Variants in RPL22 observed in about 807,000 individuals in gnomAD.
RPL22 encodes ribosomal protein L22.
Under a neutral mutation model 16.2 loss-of-function variants are expected in RPL22, and 4 were observed. The ratio of observed to expected loss-of-function variants is 0.25; its 90% CI spans 0.12 to 0.57. RPL22 has a LOEUF of 0.57. Among genes scored for constraint, RPL22 ranks in the 20% least tolerant of loss-of-function variants. The pLI is 0.92. For synonymous variants in RPL22, 43 were observed against 54.8 expected, an observed-to-expected ratio of 0.78 and a Z score of 0.95; for missense variants, 83 against 156.1, an observed-to-expected ratio of 0.53 and a Z score of 2.49.
chr1:6,192,784 T>G, intron 3 of RPL22, 146 bp downstream of exon 3: 1 of 928,198 alleles, frequency 1.1e-6, no homozygotes, highest in Non-Finnish European at 1.6e-6. Context: ...ATAATAGCAT[T>G]CATCCACTGC....
intron 3 of RPL22, among the ~76,000 whole-genome samples, chr1:6,191,041 C>T (rs1011580927): frequency 6.6e-6 from 1 of 151,858 alleles, no homozygotes; most frequent in Non-Finnish European, 1.5e-5. Flanking sequence ...CTGGCCAACA[C>T]GGCGAAACCC....
At chr1:6,192,880 G>A (rs750723507) in intron 3 of RPL22, 50 bp downstream of exon 3, 104 of 1,604,412 alleles carry the variant, frequency 6.5e-5, no homozygotes, top group South Asian at 2.2e-4. Context: ...GGGAAAAGGC[G>A]GGCTGGGCAC....
Position 6,185,292 on chromosome 1 carries a change from G to A in RPL22, c.*1380C>T, listed in dbSNP as rs1667569606. 1 of 399,028 alleles carries A rather than the reference G, an allele frequency of 2.5e-6. No individual in the cohort carries two copies. Among genetic ancestry groups the A allele is most frequent in the Non-Finnish European group, 4.4e-6 (1 of 226,052 alleles). 24.7% of individuals were successfully genotyped at this position (399,028 alleles called of 1,614,324 possible). On this transcript the variant is annotated 3_prime_UTR_variant, in exon 4 of 4. Coordinates refer to ENST00000234875, the MANE Select transcript of RPL22 (RefSeq NM_000983.4). ...GCCACAAACTTAGTTAATAATCATG[G>A]TTAAGGGACATTGCCAAAGAGCAAC...
intron 2 of RPL22, among the ~76,000 whole-genome samples, chr1:6,196,703 C>G (rs1004456354): frequency 6.6e-6 from 1 of 151,558 alleles, no homozygotes; most frequent in Non-Finnish European, 1.5e-5. Flanking sequence ...TTTAATATTT[C>G]TAGATTGCAA....
intron 2 of RPL22, among the ~76,000 whole-genome samples, chr1:6,193,505 T>C (rs960054964): frequency 2.0e-5 from 3 of 152,056 alleles, no homozygotes; most frequent in Non-Finnish European, 2.9e-5. Context: ...GTATTTTTAG[T>C]AGAGACGGGG....
chr1:6,185,080 C>T lies in RPL22; in HGVS notation c.*1592G>A. 1 of 371,800 alleles carries T rather than the reference C, an allele frequency of 2.7e-6. No homozygotes were observed. The highest frequency in any genetic ancestry group is 4.8e-6 in the Non-Finnish European group (1 of 210,070). The allele number at this position is 371,800 out of a possible 1,614,324, so 23.0% of individuals were successfully genotyped here. A position where few individuals can be genotyped will look rare whatever the true frequency, so the allele number is the denominator to read the frequency against. On this transcript the variant is annotated 3_prime_UTR_variant, in exon 4 of 4. Transcript: ENST00000234875. ...AGAAAATATGATCAAAACTCGATTACAAGAGTTCAAAAAGACATAGAAAAC... is the reference window on the plus strand; with the variant it reads ...AGAAAATATGATCAAAACTCGATTATAAGAGTTCAAAAAGACATAGAAAAC...
chr1:6,190,211 C>T (rs1667632343), intron 3 of RPL22, among the ~76,000 whole-genome samples: 1 of 152,200 alleles, frequency 6.6e-6, no homozygotes, highest in Non-Finnish European at 1.5e-5. Context: ...GCTTTGTACC[C>T]CCACCAGAAG....
chr1:6,187,160 T>C (rs1321167443), intron 3 of RPL22, among the ~76,000 whole-genome samples: 6 of 151,488 alleles, frequency 4.0e-5, no homozygotes, highest in Non-Finnish European at 7.4e-5. Flanking sequence ...ATAAAAAAAT[T>C]AGCTGGGCGT....
At chr1:6,191,270 G>A (rs1667646304) in intron 3 of RPL22, among the ~76,000 whole-genome samples, 1 of 145,494 alleles carries the variant, frequency 6.9e-6, no homozygotes. Context: ...TGAGGTAGGA[G>A]AATCGCTTGA....
At position 6,186,179 on chromosome 1, in the gene RPL22, CAA is replaced by C. The variant is rs1350564879; in HGVS notation, c.*491_*492del. 7 of 236,188 alleles carry C rather than the reference CAA, an allele frequency of 3.0e-5. No homozygotes were observed. Among genetic ancestry groups the C allele is most frequent in the Non-Finnish European group, 4.2e-5 (5 of 120,344 alleles). The allele number at this position is 236,188 out of a possible 1,614,324, so 14.6% of individuals were successfully genotyped here. ...GATTAGCAGACATAATTGTGTGCGT[CAA>C]GAGAAATTTGTAATCAAAAAATGAA... On this transcript the variant is annotated 3_prime_UTR_variant, in exon 4 of 4. Coordinates refer to ENST00000234875, the MANE Select transcript of RPL22 (RefSeq NM_000983.4).
At chr1:6,192,052 T>G (rs1667659331) in intron 3 of RPL22, among the ~76,000 whole-genome samples, 1 of 147,442 alleles carries the variant, frequency 6.8e-6, no homozygotes, top group Non-Finnish European at 1.5e-5. Context: ...AGGAGGCAAT[T>G]TTTTTTTTTT....
chr1:6,191,359 CAAAAAAAAAAAAAAA>C (rs769446432), intron 3 of RPL22, among the ~76,000 whole-genome samples: 1 of 32,416 alleles, frequency 3.1e-5, no homozygotes, highest in African/African-American at 1.3e-4. Flanking sequence ...GACTCCGTCT[CAAAAAAAAAAAAAAA>C]AAAAAAAAAG....
intron 1 of RPL22, 79 bp downstream of exon 1, chr1:6,199,483 C>T (rs1449717795): frequency 2.0e-6 from 3 of 1,526,520 alleles, no homozygotes; most frequent in Non-Finnish European, 2.6e-6. Flanking sequence ...CCGTCCCCAG[C>T]GAGCCTGGGT....
At chr1:6,194,025 G>C (rs1393568775) in intron 2 of RPL22, among the ~76,000 whole-genome samples, 1 of 152,006 alleles carries the variant, frequency 6.6e-6, no homozygotes, top group African/African-American at 2.4e-5. Flanking sequence ...AGGCAACATG[G>C]CGAAACCCTC....
In RPL22 at chr1:6,186,245, A is replaced by T. The variant is rs556049245; in HGVS notation, c.*427T>A. 4.2e-6 allele frequency: 1 copy of T among 240,910 alleles called. No homozygotes were observed. Among genetic ancestry groups the T allele is most frequent in the Admixed American group, 5.5e-5 (1 of 18,334 alleles). The allele number at this position is 240,910 out of a possible 1,614,324, so 14.9% of individuals were successfully genotyped here. On this transcript the variant is annotated 3_prime_UTR_variant, in exon 4 of 4. Coordinates refer to ENST00000234875, the MANE Select transcript of RPL22 (RefSeq NM_000983.4). ...GCCCAGAAACCCGCATTTTATTGACAGTCATTTTCCCACAGAGAATCTTAG... is the reference window on the plus strand; with the variant it reads ...GCCCAGAAACCCGCATTTTATTGACTGTCATTTTCCCACAGAGAATCTTAG...
intron 1 of RPL22, chr1:6,198,957 G>A (rs1358327443): frequency 6.6e-6 from 1 of 152,320 alleles, no homozygotes; most frequent in South Asian, 2.1e-4. Context: ...TAACCTAGGA[G>A]GAGGGCGCCG....
At chr1:6,195,226 A>G (rs1399762758) in intron 2 of RPL22, among the ~76,000 whole-genome samples, 5 of 152,028 alleles carry the variant, frequency 3.3e-5, no homozygotes, top group Non-Finnish European at 7.4e-5. Flanking sequence ...CAGGCGGATC[A>G]CAAAGGCAGG....
chr1:6,190,208 A>T (rs978666946), intron 3 of RPL22, among the ~76,000 whole-genome samples: 4 of 152,136 alleles, frequency 2.6e-5, no homozygotes, highest in African/African-American at 9.7e-5. Context: ...GACGCTTTGT[A>T]CCCCCACCAG....
chr1:6,191,949 A>G (rs2100904201), intron 3 of RPL22, among the ~76,000 whole-genome samples: 1 of 151,750 alleles, frequency 6.6e-6, no homozygotes, highest in South Asian at 2.1e-4. Context: ...CAGTGAGCCA[A>G]GATGGCGCCA....
Sources: gnomAD v4.1 joint callset for allele counts (sites outside exome capture counted in the v4.1 genomes callset) on GRCh38, gnomAD v4.1.1 for gene constraint, MANE v1.5 for transcripts, NCBI Gene and HGNC (gene_info 2026-07-23, HGNC 2026-07-21) for gene names.